RASA3: variants seen among roughly 807,000 people sequenced by gnomAD.
The protein encoded by RASA3 is RAS p21 protein activator 3, also known as ras GTPase-activating protein 3.
A neutral mutation model predicts 110.0 loss-of-function variants in RASA3; 73 were observed. The ratio of observed to expected loss-of-function variants is 0.66; its 90% confidence interval spans 0.55 to 0.81. RASA3 has a LOEUF of 0.81. Ranked by LOEUF, RASA3 falls within the 30% of genes least tolerant of loss-of-function variation. The pLI is 0.00. For missense variants in RASA3, 976 were observed against 1,113.2 expected (o/e 0.88, Z 1.75); for synonymous variants, 500 against 451.4 (o/e 1.11, Z -1.37).
chr13:114,015,364 C>T (rs905550126), intron 13 of RASA3, 32 bp from the exon 14 acceptor site: 2 of 1,609,546 alleles, frequency 1.2e-6, no homozygotes, highest in Non-Finnish European at 1.7e-6. Flanking sequence ...GGACCCACTC[C>T]CGAGGCTGCC....
At chr13:114,064,066 C>T (rs2079405668) in intron 2 of RASA3, among the ~76,000 whole-genome samples, 1 of 152,186 alleles carries the variant, frequency 6.6e-6, no homozygotes, top group South Asian at 2.1e-4. Context: ...CATATTATTT[C>T]ACAACATTTA....
At chr13:114,129,433 G>C (rs1474772334) in intron 1 of RASA3, among the ~76,000 whole-genome samples, 2 of 152,192 alleles carry the variant, frequency 1.3e-5, no homozygotes, top group Admixed American at 6.5e-5. Flanking sequence ...AGAGCTGGAA[G>C]GACAAAGAAA....
intron 1 of RASA3, among the ~76,000 whole-genome samples, chr13:114,104,823 C>G (rs1465256366): frequency 2.6e-5 from 4 of 151,896 alleles, no homozygotes; most frequent in Admixed American, 6.6e-5. Flanking sequence ...CCTCCCCAGC[C>G]CACACATGCT....
intron 1 of RASA3, among the ~76,000 whole-genome samples, chr13:114,121,615 G>A (rs2080378350): frequency 6.6e-6 from 1 of 152,148 alleles, no homozygotes; most frequent in Non-Finnish European, 1.5e-5. Flanking sequence ...TCCTCCCTCA[G>A]CCTGAACCTC....
chr13:114,113,513 C>T (rs2080243210), intron 1 of RASA3, among the ~76,000 whole-genome samples: 1 of 152,232 alleles, frequency 6.6e-6, no homozygotes, highest in South Asian at 2.1e-4. Flanking sequence ...GAATGTAAAA[C>T]AGTTGCCATC....
At position 114,041,099 on chromosome 13, in the gene RASA3, A is replaced by G. The variant is rs1264838499; in HGVS notation, c.278-5T>C. On this transcript the variant is annotated splice_polypyrimidine_tract_variant and splice_region_variant and intron_variant, in intron 3 of 23. Coordinates refer to ENST00000334062, the MANE Select transcript of RASA3 (RefSeq NM_007368.4). ...CCTTCTGGATGGCCACCTTCCCTGC[A>G]ACACAAGCAGAGAAGACTTCACCAC... 6.2e-7 allele frequency: 1 copy of G among 1,612,774 alleles called. No homozygotes were observed. The highest frequency in any genetic ancestry group is 1.7e-5 in the Admixed American group (1 of 60,032).
chr13:114,023,130 A>G (rs1397898646), intron 8 of RASA3, among the ~76,000 whole-genome samples: 1 of 152,236 alleles, frequency 6.6e-6, no homozygotes, highest in East Asian at 1.9e-4. Flanking sequence ...GGGTCCCCCC[A>G]GGGCAGTGTT....
Position 113,981,699 on chromosome 13 carries a change from A to C in RASA3, c.2405T>G (p.Phe802Cys). Residue 802 changes from phenylalanine (F) to cysteine (C), a missense_variant, in exon 23 of 24, where the codon TTC (phenylalanine) becomes TGC (cysteine). Transcript: ENST00000334062. The part of the protein sequence containing the change: ...QEHAQYKRDK[F>C]KKTKYGSQEH... ...CTGGCTTCCATATTTCGTCTTCTTGAACTTGTCCCTCTTATACTGGGCGTG... is the reference window on the plus strand; with the variant it reads ...CTGGCTTCCATATTTCGTCTTCTTGCACTTGTCCCTCTTATACTGGGCGTG... The C allele has an allele frequency of 6.2e-7, 1 of 1,613,736 alleles. No individual in the cohort carries two copies. The highest frequency in any genetic ancestry group is 8.5e-7 in the Non-Finnish European group (1 of 1,179,832).
At chr13:114,116,639 T>C (rs1470807877) in intron 1 of RASA3, among the ~76,000 whole-genome samples, 2 of 152,246 alleles carry the variant, frequency 1.3e-5, no homozygotes, top group Non-Finnish European at 2.9e-5. Flanking sequence ...GGCAGCCTAA[T>C]AATTTTGCTT....
chr13:113,984,142 TCATCACTCACTCCTCGGTCCATCCACC>T (rs2052994938), intron 22 of RASA3, among the ~76,000 whole-genome samples: 1 of 62,118 alleles, frequency 1.6e-5, no homozygotes, highest in Non-Finnish European at 3.7e-5. Context: ...GATCCACCCA[TCATCACTCACTCCTCGGTCCATCCACC>T]CATCACTCAC....
At chr13:114,042,816 A>G (rs2054442096) in intron 3 of RASA3, among the ~76,000 whole-genome samples, 1 of 151,696 alleles carries the variant, frequency 6.6e-6, no homozygotes, top group Non-Finnish European at 1.5e-5. Flanking sequence ...ATTCGGGAAC[A>G]CTCCACTGCC....
chr13:114,096,473 G>A lies in RASA3; in HGVS notation c.56-22636C>T, dbSNP rs1029332440. Among the ~76,000 whole-genome samples the A allele has an allele frequency of 3.3e-5, 5 of 152,070 alleles. No homozygotes were observed. The highest frequency in any genetic ancestry group is 7.4e-5 in the Non-Finnish European group (5 of 67,986). On this transcript the variant is annotated intron_variant, in intron 1 of 23. Transcript: ENST00000334062. The surrounding 1 kb of genome is among the most constrained non-coding windows in gnomAD (Gnocchi z 5.1). ...CACCTTCTCATAGCGCTCAGTACTG[G>A]GGACCCTGGCCGGGAAGTTTGCACA...
chr13:114,007,496 C>A (rs749399225), intron 18 of RASA3, 37 bp downstream of exon 18: 96 of 1,497,114 alleles, frequency 6.4e-5, no homozygotes, highest in Non-Finnish European at 8.4e-5. Context: ...ACCCTTCTCC[C>A]CTCCTGCCCT....
chr13:114,013,862 C>CT (rs1491565588), intron 14 of RASA3, among the ~76,000 whole-genome samples: 1 of 46,166 alleles, frequency 2.2e-5, no homozygotes, highest in African/African-American at 7.6e-5. Flanking sequence ...CTGTCTCTCT[C>CT]CCTGTCTCTC....
chr13:114,123,129 G>C (rs994666478), intron 1 of RASA3, among the ~76,000 whole-genome samples: 2 of 152,210 alleles, frequency 1.3e-5, no homozygotes, highest in East Asian at 3.8e-4. Context: ...TGGAGCCTCA[G>C]AGGAGGGGGG....
At chr13:114,012,513 C>T (rs1430170775) in intron 15 of RASA3, among the ~76,000 whole-genome samples, 4 of 148,748 alleles carry the variant, frequency 2.7e-5, no homozygotes, top group Non-Finnish European at 6.0e-5. Context: ...ATTACACACA[C>T]TCCCCACGCA....
intron 8 of RASA3, among the ~76,000 whole-genome samples, chr13:114,023,830 C>T (rs370998080): frequency 1.5e-4 from 23 of 152,210 alleles, no homozygotes; most frequent in African/African-American, 5.3e-4. Context: ...GTGTTTCACT[C>T]GAGTCAAAGG....
In RASA3 at chr13:114,017,242, C is replaced by T. The variant is rs1488200587; in HGVS notation, c.1201G>A (p.Glu401Lys). 20 of 1,613,144 alleles carry T rather than the reference C, an allele frequency of 1.2e-5. No homozygotes were observed. Among genetic ancestry groups the T allele is most frequent in the Admixed American group, 3.3e-5 (2 of 60,008 alleles). Residue 401 changes from glutamate (E) to lysine (K), a missense_variant, in exon 12 of 24, where the codon GAG becomes AAG. By Grantham distance (56) the Glu-to-Lys change is moderately conservative (BLOSUM62 1). Around this residue, in one of 4 missense-constraint regions of RASA3, gnomAD observed 732 missense variants for 779.7 expected, o/e 0.94. Coordinates refer to ENST00000334062, the MANE Select transcript of RASA3 (RefSeq NM_007368.4). ...ACTCTCGGCCCCGTGCTCACCTCCT[C>T]GATGGCGGGCTTCAGGGTGACATGC... ...YLHVTLKPAI[E>K]EICQSHKPCE... is the part of the protein sequence containing the mutation.
intron 1 of RASA3, among the ~76,000 whole-genome samples, chr13:114,100,153 A>T (rs1448136120): frequency 6.6e-6 from 1 of 151,328 alleles, no homozygotes; most frequent in Non-Finnish European, 1.5e-5. Context: ...CAATAGGAAG[A>T]CGCCGAATGG....
Sources: gnomAD v4.1 joint callset for allele counts (sites outside exome capture counted in the v4.1 genomes callset) on GRCh38, gnomAD v4.1.1 for gene constraint, gnomAD v4.1.1 regional missense constraint, Gnocchi (gnomAD v3.1) non-coding constraint, MANE v1.5 for transcripts, NCBI Gene and HGNC (gene_info 2026-07-23, HGNC 2026-07-21) for gene names.